ABHD12: variants seen among roughly 807,000 people sequenced by gnomAD.
The protein encoded by ABHD12 is abhydrolase domain containing 12, lysophospholipase.
A neutral mutation model predicts 58.3 loss-of-function variants in ABHD12; 43 were observed. That is an observed-to-expected ratio of 0.74 (90% CI 0.58 to 0.95). ABHD12 has a LOEUF of 0.95. ABHD12 is among the 40% of genes least tolerant of loss of function. The pLI, the probability that ABHD12 is intolerant of heterozygous loss-of-function variation, is 0.00. For synonymous variants in ABHD12, 219 were observed against 211.2 expected, an observed-to-expected ratio of 1.04 and a Z score of -0.32; for missense variants, 539 against 537.2, an observed-to-expected ratio of 1.00 and a Z score of -0.03.
chr20:25,312,126 C>T (rs997887955), intron 6 of ABHD12, among the ~76,000 whole-genome samples: 2 of 152,122 alleles, frequency 1.3e-5, no homozygotes, highest in Admixed American at 1.3e-4. Flanking sequence ...CAAGACCAGC[C>T]TGGGCAACAT....
At chr20:25,322,871 C>T (rs972430711) in intron 3 of ABHD12, among the ~76,000 whole-genome samples, 1 of 151,700 alleles carries the variant, frequency 6.6e-6, no homozygotes, top group Admixed American at 6.6e-5. Flanking sequence ...TACAGGTGTG[C>T]ACCACCATGC....
At chr20:25,382,955 A>G (rs6107033) in intron 1 of ABHD12, among the ~76,000 whole-genome samples, 85,456 of 151,986 alleles carry the variant, frequency 0.56, 24,695 homozygotes, top group Admixed American at 0.62. Context: ...GGGGCCAGCT[A>G]TGGCGCCATA....
chr20:25,325,424 C>A (rs1384098903), intron 2 of ABHD12, among the ~76,000 whole-genome samples: 1 of 152,122 alleles, frequency 6.6e-6, no homozygotes, highest in Non-Finnish European at 1.5e-5. Context: ...TGTGACCTTA[C>A]TTGGAAACAG....
At chr20:25,353,383 G>T (rs922259125) in intron 1 of ABHD12, among the ~76,000 whole-genome samples, 1 of 151,912 alleles carries the variant, frequency 6.6e-6, no homozygotes, top group African/African-American at 2.4e-5. Flanking sequence ...TAAAGAATAA[G>T]CAAATTTATA....
chr20:25,328,046 C>T (rs1230007951), intron 2 of ABHD12, among the ~76,000 whole-genome samples: 2 of 151,866 alleles, frequency 1.3e-5, no homozygotes, highest in Non-Finnish European at 2.9e-5. Context: ...CTTAAAAACT[C>T]TGATCCCTGA....
At chr20:25,308,969 TGCCCCGAAGGGAAAGGCA>T (rs891214822) in intron 7 of ABHD12, among the ~76,000 whole-genome samples, 33 of 152,296 alleles carry the variant, frequency 2.2e-4, no homozygotes, top group Admixed American at 1.8e-3. Context: ...GGAGAAGGGC[TGCCCCGAAGGGAAAGGCA>T]GCAGAAAGGG....
At chr20:25,368,476 C>T in intron 1 of ABHD12, 1 of 1,572,300 alleles carries the variant, frequency 6.4e-7, no homozygotes, top group Non-Finnish European at 8.7e-7. Context: ...TTGCCATGGA[C>T]AAGATGCTAG....
intron 11 of ABHD12, 53 bp from the exon 12 acceptor site, chr20:25,302,399 G>A (rs2088653635): frequency 6.2e-7 from 1 of 1,608,686 alleles, no homozygotes; most frequent in Non-Finnish European, 8.5e-7. Flanking sequence ...GGGGGTCCCA[G>A]CCTGAGGAAC....
At chr20:25,367,241 T>C (rs964068022) in intron 1 of ABHD12, among the ~76,000 whole-genome samples, 2 of 152,154 alleles carry the variant, frequency 1.3e-5, no homozygotes, top group African/African-American at 4.8e-5. Context: ...TGAGATGACA[T>C]GTAGTCATTA....
chr20:25,341,812 G>A (rs991642038), intron 1 of ABHD12, among the ~76,000 whole-genome samples: 2 of 152,112 alleles, frequency 1.3e-5, no homozygotes, highest in African/African-American at 4.8e-5. Flanking sequence ...TATCCTGAGA[G>A]AAAACGAAAA....
At chr20:25,319,630 T>A (rs556122182) in intron 4 of ABHD12, among the ~76,000 whole-genome samples, 64 of 152,154 alleles carry the variant, frequency 4.2e-4, no homozygotes, top group Middle Eastern at 3.4e-3. Flanking sequence ...ATGACAGATA[T>A]AGAGAAAACA....
At chr20:25,354,040 G>A (rs1367449080) in intron 1 of ABHD12, among the ~76,000 whole-genome samples, 1 of 152,170 alleles carries the variant, frequency 6.6e-6, no homozygotes, top group Non-Finnish European at 1.5e-5. Context: ...ATGGGAATTT[G>A]GAGACAAAGG....
chr20:25,379,234 A>T (rs1323749435), intron 1 of ABHD12, among the ~76,000 whole-genome samples: 3 of 152,214 alleles, frequency 2.0e-5, no homozygotes, highest in Non-Finnish European at 4.4e-5. Flanking sequence ...TCGTGACTGA[A>T]ATGACTTCCC....
chr20:25,373,344 C>G (rs1319298905), intron 1 of ABHD12, among the ~76,000 whole-genome samples: 1 of 152,116 alleles, frequency 6.6e-6, no homozygotes, highest in East Asian at 1.9e-4. Context: ...GTCAGGAGTT[C>G]AAGACCGGCC....
Position 25,384,158 on chromosome 20 carries a change from A to G in ABHD12, c.191+6355T>C, listed in dbSNP as rs1207597734. On this transcript the variant is annotated intron_variant, in intron 1 of 12. Transcript: ENST00000339157. ...CTCTGTCTCAAAAAAAAAAAAAAGA[A>G]AAAAAAAAATCACTCATTTGCCCAG... 2.1e-3 allele frequency among the ~76,000 whole-genome samples: 9 copies of G among 4,336 alleles called. No individual in the cohort carries two copies. In the African/African-American group the frequency reaches 0.03, roughly 15 times the overall value. 2.8% of individuals were successfully genotyped at this position (4,336 alleles called of 152,430 possible).
chr20:25,299,630 C>G (rs1568706969), downstream of ABHD12, among the ~76,000 whole-genome samples: 1 of 152,214 alleles, frequency 6.6e-6, no homozygotes, highest in Non-Finnish European at 1.5e-5. Flanking sequence ...AACCTATGTC[C>G]TAAAGAAGGG....
At chr20:25,362,046 G>A (rs866003120) in intron 1 of ABHD12, among the ~76,000 whole-genome samples, 11 of 151,622 alleles carry the variant, frequency 7.3e-5, no homozygotes, top group Admixed American at 2.6e-4. Flanking sequence ...AGATCGAGGC[G>A]GGTGGATCAC....
chr20:25,359,935 A>G (rs2089722408), intron 1 of ABHD12, among the ~76,000 whole-genome samples: 1 of 151,982 alleles, frequency 6.6e-6, no homozygotes, highest in African/African-American at 2.4e-5. Context: ...CGTTAAAAAT[A>G]TTTCCCTCTA....
chr20:25,390,176 G>C (rs1164940883), intron 1 of ABHD12: 1 of 218,682 alleles, frequency 4.6e-6, no homozygotes, highest in Non-Finnish European at 8.9e-6. Context: ...TCATGACTTC[G>C]GGCGGCGCCA....
Sources: gnomAD v4.1 joint callset for allele counts (sites outside exome capture counted in the v4.1 genomes callset) on GRCh38, gnomAD v4.1.1 for gene constraint, MANE v1.5 for transcripts, NCBI Gene and HGNC (gene_info 2026-07-23, HGNC 2026-07-21) for gene names.